The following PKD1 variants were observed in gnomAD, a reference collection of about 807,000 sequenced individuals.
The protein encoded by PKD1 is polycystin 1, transient receptor potential channel interacting.
PKD1 carries 81 observed loss-of-function variants against 361.7 expected under a neutral mutation model. The ratio of observed to expected loss-of-function variants is 0.22; its 90% CI spans 0.19 to 0.27. The LOEUF (loss-of-function observed/expected upper bound fraction) is 0.27, where lower values mean the gene tolerates loss of function less well. PKD1 is among the 10% of genes least tolerant of loss of function. PKD1 has a pLI of 1.00. For synonymous variants in PKD1, 3,615 were observed against 2,818.3 expected (o/e 1.28, Z -8.95); for missense variants, 6,399 against 6,118.3 (o/e 1.05, Z -1.53).
chr16:2,088,951 A>C lies in PKD1; in HGVS notation c.*776T>G, dbSNP rs537187222. The C allele has an allele frequency of 1.2e-5, 4 of 344,170 alleles. No individual in the cohort carries two copies. In the East Asian group the frequency reaches 1.8e-4, roughly 15 times the overall value. 21.3% of individuals were successfully genotyped at this position (344,170 alleles called of 1,614,324 possible). A position where few individuals can be genotyped will look rare whatever the true frequency, so the allele number is the denominator to read the frequency against. On this transcript the variant is annotated 3_prime_UTR_variant, in exon 46 of 46. Transcript: ENST00000262304. ...GCCCCCAGGAGGAGTCTTTTCCTCT[A>C]ACCACCCTGGGGTCCTCTGACATGC...
chr16:2,114,627 C>T lies in PKD1; in HGVS notation c.2396G>A (p.Arg799Gln), dbSNP rs766489466. The change falls in exon 11 of 46, where the codon CGG (arginine) becomes CAG (glutamine). Residue 799 changes from arginine (R) to glutamine (Q), a missense_variant. Physicochemically the swap from Arg to Gln is conservative, Grantham distance 43. Coordinates refer to ENST00000262304, the MANE Select transcript of PKD1 (RefSeq NM_001009944.3). ...GGACACGCCATTGCCCACCTCTGCC[C>T]GGACCTCATAGCGCCCAGGCAGCCG... ...GLRLPGRYEVRAEVGNGVSRH... is the reference protein window; with the variant it reads ...GLRLPGRYEVQAEVGNGVSRH... 12 of 1,572,428 alleles carry T rather than the reference C, an allele frequency of 7.6e-6. No individual in the cohort carries two copies. The highest frequency in any genetic ancestry group is 2.3e-4 in the Middle Eastern group (1 of 4,422).
At position 2,108,516 on chromosome 16, in the gene PKD1, C is replaced by T. The variant is rs773912950; in HGVS notation, c.6651G>A (p.Val2217=). 8 of 1,608,792 alleles carry T rather than the reference C, an allele frequency of 5.0e-6. No individual in the cohort carries two copies. Among genetic ancestry groups the T allele is most frequent in the Admixed American group, 3.3e-5 (2 of 59,954 alleles). ...CCACAGGCAGCGCCAGCCGCGGCAG[C>T]ACCAGCCGAGGCCGGCTCACGTCCA... ...PGVDVSRPRL[V]LPRLALPVGH... is the part of the protein sequence containing the mutation. Residue 2217 remains valine, a synonymous_variant, in exon 15 of 46, where the codon GTG becomes GTA. Coordinates refer to ENST00000262304, the MANE Select transcript of PKD1 (RefSeq NM_001009944.3).
At chr16:2,119,089 C>T in intron 3 of PKD1, 25 bp downstream of exon 3, 2 of 1,129,304 alleles carry the variant, frequency 1.8e-6, no homozygotes, top group South Asian at 1.3e-5. Context: ...CCAGCCAGGA[C>T]CCCACCCAAA....
rs1013773933 is a variant in PKD1, at chr16:2,102,960, C to T, written c.8802G>A (p.Leu2934=). The change falls in exon 24 of 46, where the codon CTG becomes CTA. Residue 2934 remains leucine (L), a synonymous_variant. Coordinates refer to ENST00000262304, the MANE Select transcript of PKD1 (RefSeq NM_001009944.3). ...CCAGGTAGGGCTCAGGTTCCTCAGA[C>T]AGGTAGTGGCCTGGGGCAGAACGCG... ...LNYTLLDGHY[L]SEEPEPYLAV... 8 of 1,605,270 alleles carry T rather than the reference C, an allele frequency of 5.0e-6. No homozygotes were observed. The highest frequency in any genetic ancestry group is 4.0e-5 in the African/African-American group (3 of 74,856).
In PKD1 at chr16:2,108,870, C is replaced by A. The variant is rs137925121; in HGVS notation, c.6297G>T (p.Gly2099=). The A allele has an allele frequency of 2.0e-3, 3,115 of 1,577,908 alleles. 13 individuals are homozygous for A. The highest frequency in any genetic ancestry group is 2.2e-3 in the Non-Finnish European group (2,581 of 1,163,144). ...GCTCATCTGTGTCCTGCCCTGGCGA[C>A]CCATCCCCAAAGTCCCAGTGGTAGG... is the stretch of plus-strand genomic sequence containing the variant. ...RVAYHWDFGD[G]SPGQDTDEPR... The change falls in exon 15 of 46, where the codon GGG becomes GGT. Residue 2099 remains glycine, a synonymous_variant. Transcript: ENST00000262304.
In PKD1 at chr16:2,088,909, C is replaced by A. The variant is rs1349970515; in HGVS notation, c.*818G>T. On this transcript the variant is annotated 3_prime_UTR_variant, in exon 46 of 46. Coordinates refer to ENST00000262304, the MANE Select transcript of PKD1 (RefSeq NM_001009944.3). Reference sequence around the variant, plus strand: ...CACACACACACACACAGTCACCTTCCTCCACCCTGGGAGCCAGCCCCCAGG... The same window carrying A: ...CACACACACACACACAGTCACCTTCATCCACCCTGGGAGCCAGCCCCCAGG... 4.9e-6 allele frequency: 2 copies of A among 410,546 alleles called. No homozygotes were observed. Among genetic ancestry groups the A allele is most frequent in the Non-Finnish European group, 8.9e-6 (2 of 224,066 alleles). 25.4% of individuals were successfully genotyped at this position (410,546 alleles called of 1,614,324 possible). A position where few individuals can be genotyped will look rare whatever the true frequency, so the allele number is the denominator to read the frequency against.
chr16:2,105,084 C>A (rs577032198), intron 21 of PKD1, among the ~76,000 whole-genome samples: 1 of 126,756 alleles, frequency 7.9e-6, no homozygotes, highest in Non-Finnish European at 1.7e-5. Flanking sequence ...TCTTCTTAGT[C>A]CCTCCCCACA....
rs772389436 is a variant in PKD1, at chr16:2,111,206, G to A, written c.3961C>T (p.Pro1321Ser). The A allele has an allele frequency of 2.5e-6, 4 of 1,611,390 alleles. No homozygotes were observed. Among genetic ancestry groups the A allele is most frequent in the Non-Finnish European group, 3.4e-6 (4 of 1,179,716 alleles). ...ARLTAYVTGN[P>S]AHYLFDWTFG... ...GTCCAGTCGAAGAGGTAGTGGGCCG[G>A]GTTCCCGGTGACGTAGGCCGTGAGC... is the stretch of plus-strand genomic sequence containing the variant. The change falls in exon 15 of 46, where the codon CCG becomes TCG. Residue 1321 changes from proline to serine, a missense_variant. Physicochemically the swap from Pro to Ser is moderately conservative, Grantham distance 74. Coordinates refer to ENST00000262304, the MANE Select transcript of PKD1 (RefSeq NM_001009944.3).
Position 2,114,461 on chromosome 16 carries a change from G to A in PKD1, c.2562C>T (p.Asn854=), listed in dbSNP as rs757454713. ...CAGGCCAGCGAGCCGTGGCCGTGGC[G>A]TTGGCACCAGAGTCCACCTGGAGCA... The part of the protein sequence containing the change: ...ALVLQVDSGA[N]ATATARWPGG... The change falls in exon 11 of 46, where the codon AAC becomes AAT. Residue 854 remains asparagine, a synonymous_variant. Coordinates refer to ENST00000262304, the MANE Select transcript of PKD1 (RefSeq NM_001009944.3). 1.4e-5 allele frequency: 22 copies of A among 1,597,532 alleles called. No individual in the cohort carries two copies. The highest frequency in any genetic ancestry group is 3.3e-5 in the Admixed American group (2 of 59,930).
intron 34 of PKD1, chr16:2,096,931 G>A (rs896736971): frequency 1.4e-5 from 8 of 592,540 alleles, no homozygotes; most frequent in African/African-American, 1.1e-4. Context: ...AAAGCCCCAT[G>A]AGCCTGCTCC....
intron 7 of PKD1, 77 bp downstream of exon 7, chr16:2,116,756 C>G (rs1179710025): frequency 9.3e-7 from 1 of 1,074,840 alleles, no homozygotes; most frequent in Non-Finnish European, 1.4e-6. Context: ...CCTCCTCAGC[C>G]CAGGCTCCAC....
chr16:2,112,377 C>T lies in PKD1; in HGVS notation c.3258G>A (p.Leu1086=). The T allele has an allele frequency of 1.3e-6, 2 of 1,587,768 alleles. No homozygotes were observed. Among genetic ancestry groups the T allele is most frequent in the Non-Finnish European group, 8.5e-7 (1 of 1,174,654 alleles). Residue 1086 remains leucine (L), a synonymous_variant, in exon 14 of 46, where the codon CTG becomes CTA. Transcript: ENST00000262304. ...AGGTGTGCATGACATTGTGCTCCACCAGCACCTGGGCCACCGAGGGGTCTG... is the reference window on the plus strand; with the variant it reads ...AGGTGTGCATGACATTGTGCTCCACTAGCACCTGGGCCACCGAGGGGTCTG... ...PVPDPSVAQV[L]VEHNVMHTYA...
chr16:2,093,263 C>A (rs2091683186), intron 37 of PKD1, 170 bp from the exon 38 acceptor site: 1 of 796,696 alleles, frequency 1.3e-6, no homozygotes, highest in South Asian at 1.6e-5. Context: ...CACACCCTGC[C>A]CGGAACCCCA....
At position 2,106,536 on chromosome 16, in the gene PKD1, G is replaced by A. The variant is rs780024727; in HGVS notation, c.7351C>T (p.Leu2451=). The stretch of plus-strand genomic sequence containing the variant: ...CCCTCCTCCTCGCCAGAGCGGCCCA[G>A]CACCGTGAGCGTGAAGGTGTATCCC... The part of the protein sequence containing the change: ...GEGYTFTLTV[L]GRSGEEEGCA... The change falls in exon 18 of 46, where the codon CTG becomes TTG. Residue 2451 remains leucine, a synonymous_variant. Transcript: ENST00000262304. This position sits in a 1 kb window ranked among gnomAD's most constrained non-coding sequence, Gnocchi z 6.5. 5.6e-6 allele frequency: 9 copies of A among 1,596,288 alleles called. No homozygotes were observed. In the African/African-American group the frequency reaches 1.2e-4, roughly 21 times the overall value.
At chr16:2,093,372 A>G in intron 37 of PKD1, 172 bp downstream of exon 37, 1 of 722,150 alleles carries the variant, frequency 1.4e-6, no homozygotes, top group Non-Finnish European at 2.3e-6. Flanking sequence ...GGACTGGGGC[A>G]GCAAGTGGGG....
chr16:2,105,191 G>C, intron 21 of PKD1, 131 bp downstream of exon 21: 3 of 872,890 alleles, frequency 3.4e-6, no homozygotes, highest in Non-Finnish European at 5.4e-6. Context: ...AGAGACCGAG[G>C]AACGCCATGG....
chr16:2,104,408 G>A (rs1411365036), intron 22 of PKD1, 90 bp downstream of exon 22: 16 of 895,366 alleles, frequency 1.8e-5, no homozygotes, highest in Admixed American at 6.5e-5. Flanking sequence ...AGATGGGATG[G>A]GGCAAAGGCG....
rs549700419 is a variant in PKD1 at position 2,088,885 on chromosome 16, A to G, written c.*842T>C. ...CACACTCGCGCGTGCGCGCGCGCAC[A>G]CACACACACACACAGTCACCTTCCT... On this transcript the variant is annotated 3_prime_UTR_variant, in exon 46 of 46. Transcript: ENST00000262304. 3.3e-3 allele frequency: 1,080 copies of G among 327,810 alleles called. 9 individuals are homozygous for G. Among genetic ancestry groups the G allele is most frequent in the African/African-American group, 0.023 (934 of 41,044 alleles). 20.3% of individuals were successfully genotyped at this position (327,810 alleles called of 1,614,324 possible). A position where few individuals can be genotyped will look rare whatever the true frequency, so the allele number is the denominator to read the frequency against.
In PKD1 at chr16:2,111,854, C is replaced by G. The variant is rs375703044; in HGVS notation, c.3313G>C (p.Val1105Leu). 6.2e-7 allele frequency: 1 copy of G among 1,610,136 alleles called. No individual in the cohort carries two copies. Among genetic ancestry groups the G allele is most frequent in the South Asian group, 1.1e-5 (1 of 90,986 alleles). Residue 1105 changes from valine to leucine, a missense_variant, in exon 15 of 46, where the codon GTG becomes CTG. Transcript: ENST00000262304. The part of the protein sequence containing the change: ...YAAPGEYLLT[V>L]LASNAFENLT... ...TTCTCGAAGGCATTAGATGCCAGCA[C>G]GGTCAGGAGGTACTCACCTGTGGGG...
Sources: gnomAD v4.1 joint callset for allele counts (sites outside exome capture counted in the v4.1 genomes callset) on GRCh38, gnomAD v4.1.1 for gene constraint, Gnocchi (gnomAD v3.1) non-coding constraint, MANE v1.5 for transcripts, NCBI Gene and HGNC (gene_info 2026-07-23, HGNC 2026-07-21) for gene names.